SSBP4: variants seen among roughly 807,000 people sequenced by gnomAD.
The protein encoded by SSBP4 is single-stranded DNA-binding protein 4.
A neutral mutation model predicts 64.6 loss-of-function variants in SSBP4; 33 were observed. The observed-to-expected ratio is 0.51, with a 90% CI of 0.39 to 0.68. The LOEUF (loss-of-function observed/expected upper bound fraction) is 0.68. SSBP4 is among the 30% of genes least tolerant of loss of function. The pLI is 0.00. For missense variants in SSBP4, 583 were observed against 566.8 expected (o/e 1.03, Z -0.29); for synonymous variants, 243 against 224.0 (o/e 1.08, Z -0.76).
chr19:18,413,361 C>T, the SSBP4 span, among the ~76,000 whole-genome samples: 4 of 151,892 alleles, frequency 2.6e-5, no homozygotes, highest in Non-Finnish European at 5.9e-5. Context: ...TACAGGCACG[C>T]GCCACCACGC....
chr19:18,425,577 TG>T (rs1329590916), intron 1 of SSBP4, among the ~76,000 whole-genome samples: 3 of 151,702 alleles, frequency 2.0e-5, no homozygotes, highest in Non-Finnish European at 4.4e-5. Flanking sequence ...GCCACAGAAG[TG>T]AGCTAGACAG....
chr19:18,413,151 T>TG, the SSBP4 span, among the ~76,000 whole-genome samples: 1 of 148,496 alleles, frequency 6.7e-6, no homozygotes, highest in Non-Finnish European at 1.5e-5. Context: ...GTTTGGGTTT[T>TG]TTTTTTTTTT....
chr19:18,433,208 C>T lies in SSBP4; in HGVS notation c.986C>T (p.Ser329Phe), dbSNP rs1302170140. ...SAMEPHHVNG[S>F]LGSGDMDGLP... Reference sequence around the variant, plus strand: ...ATGGAGCCTCACCACGTGAACGGATCCCTGGGTGAGTGGGCGTCCCTGCTC... The same window carrying T: ...ATGGAGCCTCACCACGTGAACGGATTCCTGGGTGAGTGGGCGTCCCTGCTC... The change falls in exon 15 of 18, where the codon TCC (serine) becomes TTC (phenylalanine). Residue 329 changes from serine to phenylalanine, a missense_variant. Coordinates refer to ENST00000270061, the MANE Select transcript of SSBP4 (RefSeq NM_032627.5). 15 of 1,566,166 alleles carry T rather than the reference C, an allele frequency of 9.6e-6. No homozygotes were observed.
chr19:18,432,735 C>T lies in SSBP4; in HGVS notation c.786C>T (p.Thr262=), dbSNP rs754811087. The change falls in exon 12 of 18, where the codon ACC becomes ACT. Residue 262 remains threonine, a splice_region_variant and synonymous_variant. Coordinates refer to ENST00000270061, the MANE Select transcript of SSBP4 (RefSeq NM_032627.5). ...PYSSSSPGSY[T]GPPGGGGPPG... is the part of the protein sequence containing the mutation. ...CCTCCTCATCCCCCGGCAGCTACAC[C>T]GTAAGTCTGAGCAAAGCTGGGTCAC... 5.6e-6 allele frequency: 9 copies of T among 1,601,530 alleles called. No homozygotes were observed. The highest frequency in any genetic ancestry group is 2.2e-5 in the East Asian group (1 of 44,612).
the SSBP4 span, among the ~76,000 whole-genome samples, chr19:18,404,832 C>T: frequency 7.3e-6 from 1 of 136,708 alleles, no homozygotes; most frequent in African/African-American, 2.8e-5. Context: ...GCAGAGCTTG[C>T]AGTGAGCCAA....
intron 1 of SSBP4, among the ~76,000 whole-genome samples, chr19:18,421,488 T>G (rs906297864): frequency 1.3e-5 from 2 of 152,200 alleles, no homozygotes; most frequent in African/African-American, 2.4e-5. Context: ...ATATCTGCCC[T>G]GGGTGTCCCT....
At position 18,434,393 on chromosome 19, in the gene SSBP4, T is replaced by TTA; in HGVS notation, c.*148_*149dup. ...CTGGGAGGCCCCACACGAAAGACTC[T>TTA]TACCATTTTATTAAAAACGCAAGGA... On this transcript the variant is annotated 3_prime_UTR_variant, in exon 18 of 18. Coordinates refer to ENST00000270061, the MANE Select transcript of SSBP4 (RefSeq NM_032627.5). 1.5e-6 allele frequency: 2 copies of TTA among 1,375,586 alleles called. No individual in the cohort carries two copies. Among genetic ancestry groups the TTA allele is most frequent in the Non-Finnish European group, 1.9e-6 (2 of 1,050,386 alleles). The allele number at this position is 1,375,586 out of a possible 1,614,324, so 85.2% of individuals were successfully genotyped here.
chr19:18,404,656 G>A, the SSBP4 span, among the ~76,000 whole-genome samples: 2 of 149,966 alleles, frequency 1.3e-5, no homozygotes, highest in African/African-American at 4.9e-5. Flanking sequence ...ACTTAGGGAG[G>A]CTGAGGTGGG....
rs568000049 is a variant in SSBP4, at chr19:18,427,955, C to T, written c.252C>T (p.Ser84=). ...APDRREACEH[S]GEAKAFQDYS... ...ACAGAAGAGAGGCCTGCGAGCACTC[C>T]GGCGAGGCCAAGGCCTTCCAGGACT... The change falls in exon 4 of 18, where the codon TCC becomes TCT. Residue 84 remains serine, a synonymous_variant. Coordinates refer to ENST00000270061, the MANE Select transcript of SSBP4 (RefSeq NM_032627.5). The surrounding 1 kb of genome is among the most constrained non-coding windows in gnomAD (Gnocchi z 4.4). The T allele has an allele frequency of 3.1e-6, 5 of 1,610,676 alleles. No individual in the cohort carries two copies. The South Asian group carries it at 4.4e-5, about 14-fold the overall frequency.
chr19:18,430,807 G>T, intron 4 of SSBP4, 34 bp from the exon 5 acceptor site: 1 of 1,588,754 alleles, frequency 6.3e-7, no homozygotes. Context: ...CAGGTGTCCT[G>T]ACCTGGCCCT....
the SSBP4 span, among the ~76,000 whole-genome samples, chr19:18,407,235 A>C: frequency 6.6e-6 from 1 of 151,430 alleles, no homozygotes; most frequent in Admixed American, 6.6e-5. Context: ...ACGGGGTTTC[A>C]CCTTGTTGGC....
At chr19:18,421,243 C>T (rs557990457) in intron 1 of SSBP4, among the ~76,000 whole-genome samples, 17 of 152,380 alleles carry the variant, frequency 1.1e-4, no homozygotes, top group African/African-American at 3.8e-4. Flanking sequence ...AATGACTGCA[C>T]TGTCAGGCCT....
In SSBP4 at chr19:18,431,677, C is replaced by G; in HGVS notation, c.466C>G (p.Pro156Ala). The G allele has an allele frequency of 6.4e-7, 1 of 1,552,686 alleles. No homozygotes were observed. The highest frequency in any genetic ancestry group is 8.7e-7 in the Non-Finnish European group (1 of 1,148,698). The change falls in exon 7 of 18, where the codon CCC becomes GCC. Residue 156 changes from proline to alanine, a missense_variant. Physicochemically the swap from Pro to Ala is conservative, Grantham distance 27. Transcript: ENST00000270061. ...PFMSPRFPGG[P>A]RPTLRMPSQP... ...CATGTCACCGCGCTTCCCAGGGGGCCCCCGGCCCACCCTGCGGATGCCGAG... is the reference window on the plus strand; with the variant it reads ...CATGTCACCGCGCTTCCCAGGGGGCGCCCGGCCCACCCTGCGGATGCCGAG...
At chr19:18,415,642 CCAAGGAGGAA>C (rs1972126150), upstream of SSBP4, among the ~76,000 whole-genome samples, 1 of 152,078 alleles carries the variant, frequency 6.6e-6, no homozygotes, top group Non-Finnish European at 1.5e-5. Context: ...CCCAGGAGGA[CCAAGGAGGAA>C]CCCTTGGCCA....
intron 10 of SSBP4, 105 bp downstream of exon 10, chr19:18,432,319 A>G (rs1182561448): frequency 6.9e-7 from 1 of 1,447,782 alleles, no homozygotes; most frequent in Non-Finnish European, 9.4e-7. Context: ...AGCCTTGGAT[A>G]TTGTTTATTT....
upstream of SSBP4, among the ~76,000 whole-genome samples, chr19:18,414,102 T>C (rs1029058588): frequency 4.6e-5 from 7 of 151,468 alleles, no homozygotes; most frequent in African/African-American, 1.7e-4. Context: ...CGGTGGGGAG[T>C]GCAGCCACGT....
Position 18,427,063 on chromosome 19 carries a change from G to A in SSBP4, c.60-288G>A, listed in dbSNP as rs575304469. Among the ~76,000 whole-genome samples the A allele has an allele frequency of 6.6e-6, 1 of 152,252 alleles. No homozygotes were observed. Among genetic ancestry groups the A allele is most frequent in the South Asian group, 2.1e-4 (1 of 4,828 alleles). ...CACAGGAATGACACTCCTCTATGGAGGAGACCTCCCCAGCGCTGAGGCCTC... is the reference window on the plus strand; with the variant it reads ...CACAGGAATGACACTCCTCTATGGAAGAGACCTCCCCAGCGCTGAGGCCTC... On this transcript the variant is annotated intron_variant, in intron 1 of 17. Transcript: ENST00000270061. This position sits in a 1 kb window ranked among gnomAD's most constrained non-coding sequence, Gnocchi z 4.4.
chr19:18,416,798 C>A (rs1972135657), upstream of SSBP4, among the ~76,000 whole-genome samples: 2 of 152,234 alleles, frequency 1.3e-5, no homozygotes, highest in South Asian at 2.1e-4. Context: ...AATTTTTCCT[C>A]CCCGCCCTGC....
Position 18,434,355 on chromosome 19 carries a change from A to G in SSBP4, c.*109A>G. On this transcript the variant is annotated 3_prime_UTR_variant, in exon 18 of 18. Coordinates refer to ENST00000270061, the MANE Select transcript of SSBP4 (RefSeq NM_032627.5). The stretch of plus-strand genomic sequence containing the variant: ...CGGGCACCTGGACTCCTGGCCAATC[A>G]AGGCTTGCCCAGCTGGGAGGCCCCA... 1.3e-6 allele frequency: 2 copies of G among 1,512,910 alleles called. No homozygotes were observed. The highest frequency in any genetic ancestry group is 1.3e-5 in the South Asian group (1 of 79,576). The allele number at this position is 1,512,910 out of a possible 1,614,324, so 93.7% of individuals were successfully genotyped here.
Sources: allele counts gnomAD v4.1 joint callset (sites outside exome capture counted in the v4.1 genomes callset), GRCh38; gene constraint gnomAD v4.1.1; non-coding constraint Gnocchi (gnomAD v3.1); transcripts MANE v1.5; gene names NCBI Gene and HGNC (gene_info 2026-07-23, HGNC 2026-07-21).